The following TXNL1 variants were observed in gnomAD, a reference collection of about 807,000 sequenced individuals.
The protein encoded by TXNL1 is thioredoxin-like protein 1.
TXNL1 carries 14 observed loss-of-function variants against 35.5 expected under a neutral mutation model. The observed-to-expected ratio is 0.39, with a 90% CI of 0.26 to 0.62. TXNL1 has a LOEUF of 0.62. Among genes scored for constraint, TXNL1 ranks in the 20% least tolerant of loss-of-function variants. The pLI, the probability that TXNL1 is intolerant of heterozygous loss-of-function variation, is 0.47. For synonymous variants in TXNL1, 110 were observed against 115.5 expected, an observed-to-expected ratio of 0.95 and a Z score of 0.31; for missense variants, 263 against 349.7, an observed-to-expected ratio of 0.75 and a Z score of 1.98.
At chr18:56,616,817 A>G (rs559590587) in intron 4 of TXNL1, among the ~76,000 whole-genome samples, 1 of 152,300 alleles carries the variant, frequency 6.6e-6, no homozygotes, top group East Asian at 1.9e-4. Flanking sequence ...GTAACCTCCA[A>G]ACTTCCATTC....
intron 7 of TXNL1, chr18:56,610,198 T>C (rs1021255207): frequency 6.6e-6 from 1 of 152,232 alleles, no homozygotes; most frequent in South Asian, 2.1e-4. Flanking sequence ...GGGATACCTA[T>C]GTATTCTGTG....
chr18:56,620,530 C>G (rs540959425), intron 3 of TXNL1, among the ~76,000 whole-genome samples: 1 of 152,244 alleles, frequency 6.6e-6, no homozygotes, highest in East Asian at 1.9e-4. Context: ...GGGAAGAAAT[C>G]TTTACTACTA....
In TXNL1 at chr18:56,624,348, G is replaced by A; in HGVS notation, c.309C>T (p.Ile103=). ...CAGGGTCATTTTCTAAGTGCTGCTT[G>A]ATTTTTTCTTCTAATCCCACAGCAT... ...GADAVGLEEK[I]KQHLENDPGS... Residue 103 remains isoleucine, a synonymous_variant, in exon 3 of 8, where the codon ATC becomes ATT. Coordinates refer to ENST00000217515, the MANE Select transcript of TXNL1 (RefSeq NM_004786.3). 6.2e-7 allele frequency: 1 copy of A among 1,613,800 alleles called. No homozygotes were observed. The highest frequency in any genetic ancestry group is 1.1e-5 in the South Asian group (1 of 91,060).
Position 56,602,655 on chromosome 18 carries a change from G to A in TXNL1, c.*372C>T, listed in dbSNP as rs2023825723. 1 of 214,916 alleles carries A rather than the reference G, an allele frequency of 4.7e-6. No individual in the cohort carries two copies. The allele number at this position is 214,916 out of a possible 1,614,324, so 13.3% of individuals were successfully genotyped here. Reference sequence around the variant, plus strand: ...TTCACTTATCAAAATAACTTGCCATGAATGTGTACACATGTACTTCTTAAT... The same window carrying A: ...TTCACTTATCAAAATAACTTGCCATAAATGTGTACACATGTACTTCTTAAT... On this transcript the variant is annotated 3_prime_UTR_variant, in exon 8 of 8. Transcript: ENST00000217515.
rs575366787 is a variant in TXNL1 at position 56,619,177 on chromosome 18, G to A, written c.370-1051C>T. 1.3e-4 allele frequency among the ~76,000 whole-genome samples: 18 copies of A among 141,054 alleles called. No individual in the cohort carries two copies. In the South Asian group the frequency reaches 1.3e-3, roughly 11 times the overall value. The allele number at this position is 141,054 out of a possible 152,430, so 92.5% of individuals were successfully genotyped here. ...TGCAGTAAGCTGAAATTGCGCCATT[G>A]TACTCCAGCCCAGGCAGCAGAGCAA... is the stretch of plus-strand genomic sequence containing the variant. On this transcript the variant is annotated intron_variant, in intron 3 of 7. Coordinates refer to ENST00000217515, the MANE Select transcript of TXNL1 (RefSeq NM_004786.3).
chr18:56,616,131 CAAA>C (rs778338602), intron 5 of TXNL1, 111 bp downstream of exon 5: 3,234 of 681,350 alleles, frequency 4.7e-3, no homozygotes, highest in Middle Eastern at 7.7e-3. Context: ...GACTCTGTCT[CAAA>C]AAAAAAAAAA....
At chr18:56,620,476 T>C (rs888871550) in intron 3 of TXNL1, among the ~76,000 whole-genome samples, 2 of 152,242 alleles carry the variant, frequency 1.3e-5, no homozygotes, top group African/African-American at 4.8e-5. Context: ...CTGATCTTTA[T>C]ACGGATTTGG....
chr18:56,635,225 T>A (rs1404959809), intron 1 of TXNL1, among the ~76,000 whole-genome samples: 2 of 151,846 alleles, frequency 1.3e-5, no homozygotes, highest in Non-Finnish European at 2.9e-5. Context: ...AAAACTGCAC[T>A]CCAGCCTGGG....
rs770081628 is a variant in TXNL1, at chr18:56,638,361, A to G, written c.80T>C (p.Val27Ala). Reference protein sequence around the residue: ...LSGAGSRLAVVKFTMRGCGPC... With the variant: ...LSGAGSRLAVAKFTMRGCGPC... ...GCCTCACCCTCTCATGGTGAACTTG[A>G]CCACGGCGAGTCTGGAGCCCGCGCC... Residue 27 changes from valine to alanine, a missense_variant, in exon 1 of 8, where the codon GTC becomes GCC. Coordinates refer to ENST00000217515, the MANE Select transcript of TXNL1 (RefSeq NM_004786.3). 4 of 1,613,290 alleles carry G rather than the reference A, an allele frequency of 2.5e-6. No homozygotes were observed. The South Asian group carries it at 4.4e-5, about 18-fold the overall frequency.
intron 3 of TXNL1, 58 bp downstream of exon 3, chr18:56,624,230 C>A: frequency 2.7e-6 from 4 of 1,479,484 alleles, no homozygotes; most frequent in East Asian, 2.3e-5. Flanking sequence ...TCATTTTAGC[C>A]CAATAATGAC....
At chr18:56,626,163 T>A (rs2024274629) in intron 2 of TXNL1, 198 bp downstream of exon 2, 1 of 1,302,838 alleles carries the variant, frequency 7.7e-7, no homozygotes, top group African/African-American at 1.5e-5. Context: ...AATACAAACC[T>A]GAAGCAATTA....
At chr18:56,604,738 A>G (rs1271825016) in intron 7 of TXNL1, among the ~76,000 whole-genome samples, 2 of 152,202 alleles carry the variant, frequency 1.3e-5, no homozygotes, top group Non-Finnish European at 2.9e-5. Context: ...ACATGCCCCA[A>G]TCAATCATCA....
chr18:56,623,425 CA>C (rs74182150), intron 3 of TXNL1, among the ~76,000 whole-genome samples: 9,474 of 96,934 alleles, frequency 0.098, 373 homozygotes, highest in East Asian at 0.25. Context: ...GACTCCGCCT[CA>C]AAAAAAAAAA....
intron 1 of TXNL1, among the ~76,000 whole-genome samples, chr18:56,630,757 C>A (rs1386547339): frequency 1.3e-5 from 2 of 152,148 alleles, no homozygotes; most frequent in Non-Finnish European, 2.9e-5. Context: ...TTTCAGTTAG[C>A]CATCAGAGGT....
At chr18:56,620,113 C>T (rs149148296) in intron 3 of TXNL1, among the ~76,000 whole-genome samples, 20 of 152,208 alleles carry the variant, frequency 1.3e-4, no homozygotes, top group South Asian at 4.1e-4. Context: ...GGATTACAGG[C>T]GTGTGCCACC....
At position 56,602,912 on chromosome 18, in the gene TXNL1, A is replaced by G; in HGVS notation, c.*115T>C. ...TAGTGATACCATCTGAACAAAAGCA[A>G]TGATTTATTGGTAATGGCAATGAAT... On this transcript the variant is annotated 3_prime_UTR_variant, in exon 8 of 8. Transcript: ENST00000217515. 9.0e-7 allele frequency: 1 copy of G among 1,106,576 alleles called. No homozygotes were observed. Among genetic ancestry groups the G allele is most frequent in the Non-Finnish European group, 1.4e-6 (1 of 731,038 alleles). The allele number at this position is 1,106,576 out of a possible 1,614,324, so 68.5% of individuals were successfully genotyped here.
At chr18:56,624,234 T>A in intron 3 of TXNL1, 54 bp downstream of exon 3, 2 of 1,502,626 alleles carry the variant, frequency 1.3e-6, no homozygotes, top group Non-Finnish European at 1.8e-6. Context: ...TTTAGCCCAA[T>A]AATGACATGT....
intron 7 of TXNL1, 38 bp downstream of exon 7, chr18:56,610,955 A>AT (rs776105238): frequency 7.6e-7 from 1 of 1,313,568 alleles, no homozygotes; most frequent in Non-Finnish European, 1.1e-6. Context: ...TTAAAATTAT[A>AT]TTTTTACTAT....
rs536179154 is a variant in TXNL1, at chr18:56,627,519, T to C, written c.99-1062A>G. 5.3e-5 allele frequency among the ~76,000 whole-genome samples: 8 copies of C among 152,302 alleles called. No homozygotes were observed. In the East Asian group the frequency reaches 1.4e-3, roughly 26 times the overall value. ...AACCTTTATTAAGAGAATATAGTAC[T>C]TGTACAAGAATAAGCAAAATGATCA... On this transcript the variant is annotated intron_variant, in intron 1 of 7. Coordinates refer to ENST00000217515, the MANE Select transcript of TXNL1 (RefSeq NM_004786.3).
Sources: allele counts gnomAD v4.1 joint callset (sites outside exome capture counted in the v4.1 genomes callset), GRCh38; gene constraint gnomAD v4.1.1; transcripts MANE v1.5; gene names NCBI Gene and HGNC (gene_info 2026-07-23, HGNC 2026-07-21).